MAPKBP1: variants seen among roughly 807,000 people sequenced by gnomAD.
MAPKBP1 encodes mitogen-activated protein kinase binding protein 1.
A neutral mutation model predicts 170.5 loss-of-function variants in MAPKBP1; 71 were observed. That is an observed-to-expected ratio of 0.42 (90% CI 0.34 to 0.51). MAPKBP1 has a LOEUF of 0.51. Among genes scored for constraint, MAPKBP1 ranks in the 20% least tolerant of loss-of-function variants. The pLI is 0.06. For synonymous variants in MAPKBP1, 719 were observed against 757.9 expected, an observed-to-expected ratio of 0.95 and a Z score of 0.84; for missense variants, 1,598 against 1,933.0, an observed-to-expected ratio of 0.83 and a Z score of 3.25.
rs1385330919 is a variant in MAPKBP1, at chr15:41,817,046, G to C, written c.1711+11G>C. 6.4e-7 allele frequency: 1 copy of C among 1,573,486 alleles called. No individual in the cohort carries two copies. Among genetic ancestry groups the C allele is most frequent in the Non-Finnish European group, 8.7e-7 (1 of 1,155,830 alleles). ...CTGTTAAGTTTGCAGGTGCGGGCAG[G>C]GTGAATGAGACACATCCTGCCACTC... On this transcript the variant is annotated intron_variant, in intron 14 of 30. Coordinates refer to ENST00000457542, the MANE Select transcript of MAPKBP1 (RefSeq NM_014994.3). This position sits in a 1 kb window ranked among gnomAD's most constrained non-coding sequence, Gnocchi z 4.2.
At chr15:41,815,891 G>T (rs757795411) in intron 12 of MAPKBP1, 92 bp downstream of exon 12, 11 of 1,324,504 alleles carry the variant, frequency 8.3e-6, no homozygotes, top group Non-Finnish European at 1.1e-5. Flanking sequence ...CAAAAAGATT[G>T]GGCAACAAGA....
chr15:41,803,990 G>A (rs561882670), intron 3 of MAPKBP1, among the ~76,000 whole-genome samples: 5 of 152,136 alleles, frequency 3.3e-5, no homozygotes, highest in African/African-American at 9.6e-5. Flanking sequence ...ACAGGCATGC[G>A]CCATCATGCC....
At chr15:41,797,480 A>G (rs1401170590) in intron 2 of MAPKBP1, among the ~76,000 whole-genome samples, 1 of 152,138 alleles carries the variant, frequency 6.6e-6, no homozygotes, top group African/African-American at 2.4e-5. Context: ...GGGAGAGTTG[A>G]AGGTTCAGTG....
chr15:41,805,708 C>G (rs1359751989), intron 3 of MAPKBP1, among the ~76,000 whole-genome samples: 1 of 151,584 alleles, frequency 6.6e-6, no homozygotes, highest in African/African-American at 2.4e-5. Context: ...ACAGAATTCT[C>G]CTCCTGAACT....
chr15:41,813,400 C>T, intron 8 of MAPKBP1: 4 of 1,512,900 alleles, frequency 2.6e-6, no homozygotes, highest in Non-Finnish European at 3.7e-6. Context: ...TTTCTCTTCA[C>T]TGGGCTTTTC....
At chr15:41,811,423 A>G (rs956361221) in intron 5 of MAPKBP1, 188 bp downstream of exon 5, 1 of 714,104 alleles carries the variant, frequency 1.4e-6, no homozygotes, top group East Asian at 2.7e-5. Context: ...AGGGCTTGTG[A>G]AAGCACACAT....
chr15:41,821,414 G>A lies in MAPKBP1; in HGVS notation c.2719-170G>A, dbSNP rs542244660. ...CAACTGGAGCCCAGCCTGGCTTCTC[G>A]ATGTCTGTCCTTCAGCTTCCCCTTG... On this transcript the variant is annotated intron_variant, in intron 23 of 30. Coordinates refer to ENST00000457542, the MANE Select transcript of MAPKBP1 (RefSeq NM_014994.3). The A allele has an allele frequency of 3.2e-5, 21 of 654,320 alleles. No homozygotes were observed. In the South Asian group the frequency reaches 3.2e-4, roughly 10 times the overall value. The allele number at this position is 654,320 out of a possible 1,614,324, so 40.5% of individuals were successfully genotyped here.
At chr15:41,775,004 C>G (rs1281603786) in intron 1 of MAPKBP1, 163 bp from the exon 2 acceptor site, 6 of 465,250 alleles carry the variant, frequency 1.3e-5, no homozygotes, top group Non-Finnish European at 2.3e-5. Context: ...GATTTTCCCC[C>G]CCTTTTTCGT....
chr15:41,787,724 G>A (rs2064324105), intron 2 of MAPKBP1, among the ~76,000 whole-genome samples: 2 of 152,076 alleles, frequency 1.3e-5, no homozygotes, highest in Non-Finnish European at 2.9e-5. Flanking sequence ...TGCCATGCAT[G>A]TCTTTACTAA....
chr15:41,798,624 GAGA>G (rs2064538344), intron 2 of MAPKBP1, among the ~76,000 whole-genome samples: 1 of 152,090 alleles, frequency 6.6e-6, no homozygotes, highest in African/African-American at 2.4e-5. Flanking sequence ...AGCAATAAGA[GAGA>G]AGGAGAAACT....
chr15:41,823,403 C>T (rs1424902135), intron 28 of MAPKBP1, 44 bp from the exon 29 acceptor site: 2 of 1,572,780 alleles, frequency 1.3e-6, no homozygotes, highest in Non-Finnish European at 1.7e-6. Flanking sequence ...CCTGGGATGC[C>T]TTCCTCAACA....
chr15:41,812,413 C>G, intron 6 of MAPKBP1, 103 bp from the exon 7 acceptor site: 5 of 1,496,552 alleles, frequency 3.3e-6, no homozygotes, highest in Non-Finnish European at 4.7e-6. Flanking sequence ...TGGAAAGAAA[C>G]ACTTTGTCAA....
Position 41,823,158 on chromosome 15 carries a change from G to A in MAPKBP1, c.3534G>A (p.Val1178=), listed in dbSNP as rs2065030013. 1.9e-6 allele frequency: 3 copies of A among 1,613,504 alleles called. No homozygotes were observed. In the African/African-American group the frequency reaches 4.0e-5, roughly 22 times the overall value. Residue 1178 remains valine (V), a synonymous_variant, in exon 28 of 31, where the codon GTG becomes GTA. Transcript: ENST00000457542. ...ACAGCAGCTGGGCTCCCAAGAGAGT[G>A]GCCACAGCCAGCCCCTTTTCTGGAC... ...NPDSSWAPKR[V]ATASPFSGLQ... is the part of the protein sequence containing the mutation.
rs1428920214 is a variant in MAPKBP1 at position 41,811,250 on chromosome 15, G to A, written c.327+15G>A. 2.5e-6 allele frequency: 4 copies of A among 1,614,220 alleles called. No individual in the cohort carries two copies. The highest frequency in any genetic ancestry group is 3.4e-6 in the Non-Finnish European group (4 of 1,180,016). On this transcript the variant is annotated intron_variant, in intron 5 of 30. Transcript: ENST00000457542. ...TCACTGGAGAGGTGAGTGAGGAAGAGGGCTGGCAGTACTGTAAAGAGGGCA... is the reference window on the plus strand; with the variant it reads ...TCACTGGAGAGGTGAGTGAGGAAGAAGGCTGGCAGTACTGTAAAGAGGGCA...
At chr15:41,796,147 G>A (rs1233175788) in intron 2 of MAPKBP1, among the ~76,000 whole-genome samples, 1 of 152,186 alleles carries the variant, frequency 6.6e-6, no homozygotes, top group Non-Finnish European at 1.5e-5. Flanking sequence ...TCCTGCGGTG[G>A]TGATTTCAGG....
At chr15:41,813,589 G>A in intron 8 of MAPKBP1, 32 bp from the exon 9 acceptor site, 2 of 1,606,448 alleles carry the variant, frequency 1.2e-6, no homozygotes, top group Non-Finnish European at 1.7e-6. Context: ...GTGGGCAGGT[G>A]GCCTTGCTGA....
At position 41,817,322 on chromosome 15, in the gene MAPKBP1, G is replaced by C. The variant is rs914362468; in HGVS notation, c.1712-66G>C. ...TTGATGGGGGATCTCATGGAGGGAA[G>C]GTGGGAGGCAGGCTGCTCCCATGTG... On this transcript the variant is annotated intron_variant, in intron 14 of 30. Coordinates refer to ENST00000457542, the MANE Select transcript of MAPKBP1 (RefSeq NM_014994.3). The surrounding 1 kb of genome is among the most constrained non-coding windows in gnomAD (Gnocchi z 4.2). The C allele has an allele frequency of 1.1e-5, 17 of 1,494,846 alleles. No individual in the cohort carries two copies. Among genetic ancestry groups the C allele is most frequent in the African/African-American group, 2.8e-5 (2 of 72,708 alleles). 92.6% of individuals were successfully genotyped at this position (1,494,846 alleles called of 1,614,324 possible). A position where few individuals can be genotyped will look rare whatever the true frequency, so the allele number is the denominator to read the frequency against.
intron 29 of MAPKBP1, 55 bp from the exon 30 acceptor site, chr15:41,824,429 G>A (rs968597190): frequency 4.0e-6 from 6 of 1,489,594 alleles, no homozygotes; most frequent in Admixed American, 2.0e-5. Context: ...CTTGGGTGCG[G>A]AGGCCTGAAA....
intron 23 of MAPKBP1, 127 bp from the exon 24 acceptor site, chr15:41,821,457 T>C: frequency 2.3e-6 from 2 of 857,154 alleles, no homozygotes; most frequent in Non-Finnish European, 3.8e-6. Flanking sequence ...GCACACCGCA[T>C]CCTTACTCAC....
Sources: gnomAD v4.1 joint callset for allele counts (sites outside exome capture counted in the v4.1 genomes callset) on GRCh38, gnomAD v4.1.1 for gene constraint, Gnocchi (gnomAD v3.1) non-coding constraint, MANE v1.5 for transcripts, NCBI Gene and HGNC (gene_info 2026-07-23, HGNC 2026-07-21) for gene names.